The following LRP1 variants were observed in gnomAD, a reference collection of about 807,000 sequenced individuals.
LRP1 encodes the protein LDL receptor related protein 1.
Under a neutral mutation model 541.5 loss-of-function variants are expected in LRP1, and 51 were observed. The observed-to-expected ratio is 0.09, with a 90% CI of 0.08 to 0.12. The LOEUF (loss-of-function observed/expected upper bound fraction) is 0.12, where lower values mean the gene tolerates loss of function less well. Among genes scored for constraint, LRP1 ranks in the 10% least tolerant of loss-of-function variants. LRP1 has a pLI of 1.00. For synonymous variants in LRP1, 2,219 were observed against 2,470.8 expected (o/e 0.90, Z 3.02); for missense variants, 3,878 against 6,376.2 (o/e 0.61, Z 13.34).
At position 57,198,682 on chromosome 12, in the gene LRP1, A is replaced by T. The variant is rs1405270009; in HGVS notation, c.9676+12A>T. On this transcript the variant is annotated intron_variant, in intron 60 of 88. Transcript: ENST00000243077. ...CAATCGCCACGTTGGTCAGTGTGCC[A>T]GTGAGGCTGTCCAGGCACAGCAGAC... 3 of 1,599,286 alleles carry T rather than the reference A, an allele frequency of 1.9e-6. No individual in the cohort carries two copies. The highest frequency in any genetic ancestry group is 2.6e-6 in the Non-Finnish European group (3 of 1,173,304).
chr12:57,207,241 T>TATAA (rs2036800349), intron 76 of LRP1, among the ~76,000 whole-genome samples: 3 of 104,804 alleles, frequency 2.9e-5, no homozygotes, highest in African/African-American at 1.1e-4. Context: ...AGACTCGGTC[T>TATAA]CTAAATAAAT....
chr12:57,202,224 C>CA (rs1414475008), intron 67 of LRP1, among the ~76,000 whole-genome samples, 197 bp from the exon 68 acceptor site: 1 of 152,128 alleles, frequency 6.6e-6, no homozygotes, highest in Non-Finnish European at 1.5e-5. Context: ...CCCACACACA[C>CA]ACCCCCAACC....
rs148432282 is a variant in LRP1 at position 57,153,248 on chromosome 12, AG to A, written c.842-958del. ...TGGAAGGAAGCCAGTGGTCCTGGAG[AG>A]GAGGAGCCCAGAGGAGGCCAGCATG... On this transcript the variant is annotated intron_variant, in intron 6 of 88. Transcript: ENST00000243077. 8.9e-3 allele frequency among the ~76,000 whole-genome samples: 1,360 copies of A among 152,208 alleles called. 35 individuals are homozygous for A. The East Asian group carries it at 0.093, about 10-fold the overall frequency.
rs1192608005 is a variant in LRP1, at chr12:57,154,463, A to G, written c.1005-16A>G. The G allele has an allele frequency of 6.2e-7, 1 of 1,611,194 alleles. No individual in the cohort carries two copies. Among genetic ancestry groups the G allele is most frequent in the South Asian group, 1.1e-5 (1 of 91,036 alleles). ...GCCCAATGTCCAGACCCCATTTAAC[A>G]TGCATCTTCCCACAGGAAGGTGTTT... On this transcript the variant is annotated splice_polypyrimidine_tract_variant and intron_variant, in intron 7 of 88. Transcript: ENST00000243077. This position sits in a 1 kb window ranked among gnomAD's most constrained non-coding sequence, Gnocchi z 4.6.
intron 34 of LRP1, among the ~76,000 whole-genome samples, chr12:57,182,185 T>C (rs918729623): frequency 3.9e-5 from 6 of 152,190 alleles, no homozygotes; most frequent in Admixed American, 1.3e-4. Flanking sequence ...AAGGGAGGAT[T>C]CTGAGGTGCA....
rs1205716954 is a variant in LRP1 at position 57,191,012 on chromosome 12, G to A, written c.7236+3G>A. 7 of 1,608,710 alleles carry A rather than the reference G, an allele frequency of 4.4e-6. No homozygotes were observed. Among genetic ancestry groups the A allele is most frequent in the Non-Finnish European group, 5.9e-6 (7 of 1,179,406 alleles). Reference sequence around the variant, plus strand: ...AGTATGACGGCTCCCACCGCTATGTGAGTCTGCGGGGTGGGTGAGCTGGCG... The same window carrying A: ...AGTATGACGGCTCCCACCGCTATGTAAGTCTGCGGGGTGGGTGAGCTGGCG... On this transcript the variant is annotated splice_donor_region_variant and intron_variant, in intron 43 of 88. Transcript: ENST00000243077.
Position 57,209,762 on chromosome 12 carries a change from T to C in LRP1, c.12333T>C (p.Arg4111=). 6.2e-7 allele frequency: 1 copy of C among 1,614,212 alleles called. No individual in the cohort carries two copies. Among genetic ancestry groups the C allele is most frequent in the Non-Finnish European group, 8.5e-7 (1 of 1,180,014 alleles). ...YIYGVTYINN[R]VFKIHKFGHS... The stretch of plus-strand genomic sequence containing the variant: ...ATGGTGTCACCTACATCAATAATCG[T>C]GTCTTCAAGATCCATAAGTTTGGCC... Residue 4111 remains arginine, a synonymous_variant, in exon 80 of 89, where the codon CGT becomes CGC. Coordinates refer to ENST00000243077, the MANE Select transcript of LRP1 (RefSeq NM_002332.3).
At chr12:57,180,571 A>G (rs2136705002) in intron 32 of LRP1, 92 bp downstream of exon 32, 4 of 1,606,898 alleles carry the variant, frequency 2.5e-6, no homozygotes, top group East Asian at 4.5e-5. Flanking sequence ...GTCTCTCACC[A>G]TGTGGGGCGG....
In LRP1 at chr12:57,136,757, G is replaced by A. The variant is rs114433499; in HGVS notation, c.68-1702G>A. ...GTGGATTTCACTGGTTCAGAGCTTG[G>A]AGTCAGCTTAGCTGGTTTTGTCACT... On this transcript the variant is annotated intron_variant, in intron 1 of 88. Transcript: ENST00000243077. 6.2e-3 allele frequency among the ~76,000 whole-genome samples: 946 copies of A among 152,286 alleles called. 13 individuals carry two copies. The highest frequency in any genetic ancestry group is 0.022 in the African/African-American group (896 of 41,538).
Position 57,208,113 on chromosome 12 carries a change from C to T in LRP1, c.11935C>T (p.Arg3979Ter), listed in dbSNP as rs775909658. 6.2e-7 allele frequency: 1 copy of T among 1,614,162 alleles called. No homozygotes were observed. The highest frequency in any genetic ancestry group is 8.5e-7 in the Non-Finnish European group (1 of 1,180,028). Residue 3979 changes from arginine (R) to a stop codon, truncating the protein, a stop_gained, in exon 77 of 89, where the codon CGA becomes TGA. Coordinates refer to ENST00000243077, the MANE Select transcript of LRP1 (RefSeq NM_002332.3). LOFTEE classifies it high-confidence loss of function. ...AAACGTGTACTGGACCGACTCGGGCCGAGATGTGATTGAGGTGGCGCAGAT... is the reference window on the plus strand; with the variant it reads ...AAACGTGTACTGGACCGACTCGGGCTGAGATGTGATTGAGGTGGCGCAGAT... ...AGNVYWTDSGRDVIEVAQMKG... is the reference protein window; with the variant it reads ...AGNVYWTDSG
At chr12:57,136,395 G>GCC (rs35376308) in intron 1 of LRP1, among the ~76,000 whole-genome samples, 10,995 of 97,576 alleles carry the variant, frequency 0.11, 1,121 homozygotes, top group Admixed American at 0.14. Flanking sequence ...CCTCCTAAGA[G>GCC]CCCCCCCCCC....
At position 57,191,520 on chromosome 12, in the gene LRP1, G is replaced by A; in HGVS notation, c.7429+8G>A. On this transcript the variant is annotated splice_region_variant and intron_variant, in intron 44 of 88. Transcript: ENST00000243077. ...CCAACGACACCAACAGCTGTGAGTG[G>A]GGCTGCCGCCAGCTGCCTCACCCTC... The A allele has an allele frequency of 6.3e-7, 1 of 1,577,120 alleles. No homozygotes were observed.
At chr12:57,192,126 C>G (rs2136723560) in intron 44 of LRP1, among the ~76,000 whole-genome samples, 1 of 149,534 alleles carries the variant, frequency 6.7e-6, no homozygotes, top group Admixed American at 6.6e-5. Flanking sequence ...ATCTCACAGA[C>G]ATACTATAAA....
chr12:57,163,054 G>T, intron 15 of LRP1, 71 bp downstream of exon 15: 1 of 1,515,128 alleles, frequency 6.6e-7, no homozygotes, highest in Non-Finnish European at 8.8e-7. Flanking sequence ...GTGGGGAGGG[G>T]AGGATCCAGG....
In LRP1 at chr12:57,208,113, C is replaced by G. The variant is rs775909658; in HGVS notation, c.11935C>G (p.Arg3979Gly). ...AGNVYWTDSGRDVIEVAQMKG... is the reference protein window; with the variant it reads ...AGNVYWTDSGGDVIEVAQMKG... ...AAACGTGTACTGGACCGACTCGGGC[C>G]GAGATGTGATTGAGGTGGCGCAGAT... The change falls in exon 77 of 89, where the codon CGA (arginine) becomes GGA (glycine). Residue 3979 changes from arginine to glycine, a missense_variant. Transcript: ENST00000243077. The G allele has an allele frequency of 1.4e-5, 22 of 1,614,044 alleles. No homozygotes were observed. The highest frequency in any genetic ancestry group is 1.9e-5 in the Non-Finnish European group (22 of 1,180,036).
At chr12:57,203,652 A>C in intron 70 of LRP1, 131 bp downstream of exon 70, 1 of 1,202,870 alleles carries the variant, frequency 8.3e-7, no homozygotes, top group Non-Finnish European at 1.1e-6. Context: ...AGCATTTACC[A>C]TGTACCAGGC....
rs1592665352 is a variant in LRP1, at chr12:57,209,170, A to C, written c.12233A>C (p.Asp4078Ala). Residue 4078 changes from aspartate (D) to alanine (A), a missense_variant, in exon 79 of 89, where the codon GAC becomes GCC. By Grantham distance (126) the Asp-to-Ala change is moderately radical. Around this residue, in one of 13 missense-constraint regions of LRP1, gnomAD observed 871 missense variants for 1,212.4 expected, o/e 0.72. Transcript: ENST00000243077. The stretch of plus-strand genomic sequence containing the variant: ...GGCAGCATCCGGCTCAATGGCACGG[A>C]CCCCATTGTGGCTGCTGACAGCAAA... ...VIGSIRLNGTDPIVAADSKRG... is the reference protein window; with the variant it reads ...VIGSIRLNGTAPIVAADSKRG... The C allele has an allele frequency of 6.2e-7, 1 of 1,613,744 alleles. No individual in the cohort carries two copies. The highest frequency in any genetic ancestry group is 1.3e-5 in the African/African-American group (1 of 74,854).
intron 13 of LRP1, among the ~76,000 whole-genome samples, chr12:57,161,356 C>T (rs879267360): frequency 3.3e-5 from 5 of 152,110 alleles, no homozygotes; most frequent in Non-Finnish European, 5.9e-5. Flanking sequence ...TGTGTCTATT[C>T]GTGTTGTCTG....
At chr12:57,139,266 C>T (rs1018469432) in intron 2 of LRP1, among the ~76,000 whole-genome samples, 3 of 152,044 alleles carry the variant, frequency 2.0e-5, no homozygotes, top group African/African-American at 7.2e-5. Flanking sequence ...CTAGGTCCGT[C>T]TCTGTTCTCT....
Sources: allele counts gnomAD v4.1 joint callset (sites outside exome capture counted in the v4.1 genomes callset), GRCh38; gene constraint gnomAD v4.1.1; regional missense constraint gnomAD v4.1.1; non-coding constraint Gnocchi (gnomAD v3.1); transcripts MANE v1.5; gene names NCBI Gene and HGNC (gene_info 2026-07-23, HGNC 2026-07-21).